Variants in PLA2G4A observed in about 807,000 individuals in gnomAD.
PLA2G4A encodes phospholipase A2 group IVA.
A neutral mutation model predicts 81.9 loss-of-function variants in PLA2G4A; 40 were observed. That is an observed-to-expected ratio of 0.49 (90% CI 0.38 to 0.64). The LOEUF (loss-of-function observed/expected upper bound fraction) is 0.64, where lower values mean the gene tolerates loss of function less well. Ranked by LOEUF, PLA2G4A falls within the 30% of genes least tolerant of loss-of-function variation. The probability of loss-of-function intolerance (pLI) is 0.00; values close to 1 mark genes in which losing one functional copy is unlikely to be tolerated. For synonymous variants in PLA2G4A, 302 were observed against 296.9 expected, an observed-to-expected ratio of 1.02 and a Z score of -0.18; for missense variants, 715 against 905.1, an observed-to-expected ratio of 0.79 and a Z score of 2.69.
intron 14 of PLA2G4A, among the ~76,000 whole-genome samples, chr1:186,957,372 G>A (rs1656789627): frequency 6.6e-6 from 1 of 152,186 alleles, no homozygotes; most frequent in South Asian, 2.1e-4. Context: ...CAAGCTTTAG[G>A]CTGAGCTTTC....
At chr1:186,884,828 G>A (rs1468244601) in intron 3 of PLA2G4A, among the ~76,000 whole-genome samples, 2 of 151,350 alleles carry the variant, frequency 1.3e-5, no homozygotes, top group African/African-American at 4.9e-5. Flanking sequence ...AGGCTACAGT[G>A]AGCTGAGATG....
chr1:186,837,560 T>A (rs368416219), intron 1 of PLA2G4A, among the ~76,000 whole-genome samples: 2 of 146,160 alleles, frequency 1.4e-5, no homozygotes, highest in African/African-American at 5.4e-5. Flanking sequence ...AAACCCCATC[T>A]GTACTAAAAA....
At chr1:186,919,290 C>G (rs1169176151) in intron 7 of PLA2G4A, among the ~76,000 whole-genome samples, 4 of 152,204 alleles carry the variant, frequency 2.6e-5, no homozygotes, top group Non-Finnish European at 5.9e-5. Context: ...TACTTGCCTT[C>G]TGGTTCCAGG....
chr1:186,908,558 A>T (rs1654821419), intron 6 of PLA2G4A, among the ~76,000 whole-genome samples: 1 of 152,102 alleles, frequency 6.6e-6, no homozygotes. Context: ...CATATACAAT[A>T]GGAAATTTTC....
chr1:186,885,492 T>C (rs1426971210), intron 3 of PLA2G4A, among the ~76,000 whole-genome samples: 3 of 152,134 alleles, frequency 2.0e-5, no homozygotes, highest in East Asian at 3.8e-4. Context: ...TCTGTGGAGG[T>C]AGATCTAGCT....
intron 3 of PLA2G4A, among the ~76,000 whole-genome samples, chr1:186,877,560 T>C (rs1473941889): frequency 6.6e-6 from 1 of 151,852 alleles, no homozygotes; most frequent in Non-Finnish European, 1.5e-5. Context: ...GAGAATGGTA[T>C]CTCCATTGTT....
intron 7 of PLA2G4A, among the ~76,000 whole-genome samples, chr1:186,919,987 G>T (rs1306654786): frequency 6.6e-6 from 1 of 152,156 alleles, no homozygotes; most frequent in Non-Finnish European, 1.5e-5. Flanking sequence ...TCTGGGAACC[G>T]GATACTGCTT....
chr1:186,911,735 C>T (rs1654951086), intron 7 of PLA2G4A, among the ~76,000 whole-genome samples: 1 of 152,104 alleles, frequency 6.6e-6, no homozygotes, highest in Non-Finnish European at 1.5e-5. Context: ...TCCAGAGAAA[C>T]AGAACCAAAA....
At chr1:186,844,097 G>T (rs1372532798) in intron 1 of PLA2G4A, among the ~76,000 whole-genome samples, 1 of 152,176 alleles carries the variant, frequency 6.6e-6, no homozygotes, top group African/African-American at 2.4e-5. Context: ...TGGGTTCCAG[G>T]CTCAAGAAAC....
rs771738556 is a variant in PLA2G4A, at chr1:186,854,435, T to C, written c.33+48T>C. On this transcript the variant is annotated intron_variant, in intron 2 of 17. Transcript: ENST00000367466. The stretch of plus-strand genomic sequence containing the variant: ...ATTCTTTCTTGGAGGGGGTCTGATA[T>C]GTTTCTGTGAATATTGCGGGTGTTG... The C allele has an allele frequency of 4.1e-6, 5 of 1,226,578 alleles. No homozygotes were observed. In the Admixed American group the frequency reaches 6.7e-5, roughly 17 times the overall value. 76.0% of individuals were successfully genotyped at this position (1,226,578 alleles called of 1,614,324 possible).
In PLA2G4A at chr1:186,943,142, T is replaced by C. The variant is rs1049712180; in HGVS notation, c.1033+3048T>C. 9.2e-5 allele frequency among the ~76,000 whole-genome samples: 14 copies of C among 152,208 alleles called. 1 individual carries two copies. ...TAAAAGTCAAATAATCAAATTAGCT[T>C]ACAGAAGCTTTATTAACAATTTTAC... On this transcript the variant is annotated intron_variant, in intron 10 of 17. Transcript: ENST00000367466.
chr1:186,959,725 T>A (rs1303200733), intron 14 of PLA2G4A, among the ~76,000 whole-genome samples: 1 of 152,166 alleles, frequency 6.6e-6, no homozygotes, highest in Admixed American at 6.5e-5. Context: ...ATTTTTAGAA[T>A]AATCATATGT....
chr1:186,968,432 G>GTGTGTGTGTGTT lies in PLA2G4A; in HGVS notation c.1764+2840_1764+2841insGTGTGTGTGTTT, dbSNP rs1307238336. 1.1e-4 allele frequency among the ~76,000 whole-genome samples: 17 copies of GTGTGTGTGTGTT among 151,194 alleles called. 2 individuals are homozygous for GTGTGTGTGTGTT. The South Asian group carries it at 3.6e-3, about 32-fold the overall frequency. ...TGTGTGTGTGTGTGTGTGTGTGTGT[G>GTGTGTGTGTGTT]TATGTGTCTATACCAGGGTCATGTA... On this transcript the variant is annotated intron_variant, in intron 15 of 17. Transcript: ENST00000367466.
At chr1:186,967,062 A>T (rs1191324981) in intron 15 of PLA2G4A, among the ~76,000 whole-genome samples, 1 of 152,182 alleles carries the variant, frequency 6.6e-6, no homozygotes, top group Non-Finnish European at 1.5e-5. Flanking sequence ...AATTAAATGG[A>T]ACAGTTCATG....
At chr1:186,924,943 G>A (rs1195330915) in intron 7 of PLA2G4A, among the ~76,000 whole-genome samples, 1 of 152,030 alleles carries the variant, frequency 6.6e-6, no homozygotes, top group Non-Finnish European at 1.5e-5. Context: ...AGCTACTTGG[G>A]AGGCTGAGGC....
chr1:186,892,099 A>G (rs1654163653), intron 3 of PLA2G4A, among the ~76,000 whole-genome samples: 1 of 152,136 alleles, frequency 6.6e-6, no homozygotes, highest in Non-Finnish European at 1.5e-5. Context: ...CTTTTGAGAA[A>G]TGTCTATTCA....
intron 8 of PLA2G4A, among the ~76,000 whole-genome samples, chr1:186,937,057 C>G (rs1373545539): frequency 1.3e-5 from 2 of 149,980 alleles, no homozygotes; most frequent in East Asian, 3.9e-4. Flanking sequence ...TTGAGATAAT[C>G]TCACTCAGTT....
chr1:186,840,424 A>G (rs1329357475), intron 1 of PLA2G4A, among the ~76,000 whole-genome samples: 7 of 152,178 alleles, frequency 4.6e-5, no homozygotes, highest in Non-Finnish European at 7.3e-5. Flanking sequence ...AGAAAATGGT[A>G]ACCCTGAATT....
At chr1:186,830,564 C>T (rs1012713100) in intron 1 of PLA2G4A, among the ~76,000 whole-genome samples, 5 of 138,558 alleles carry the variant, frequency 3.6e-5, no homozygotes, top group Admixed American at 1.6e-4. Flanking sequence ...GCCAAGATCG[C>T]GCCATTGCAC....
Sources: allele counts gnomAD v4.1 joint callset (sites outside exome capture counted in the v4.1 genomes callset), GRCh38; gene constraint gnomAD v4.1.1; transcripts MANE v1.5; gene names NCBI Gene and HGNC (gene_info 2026-07-23, HGNC 2026-07-21).